TLR3: variants seen among roughly 807,000 people sequenced by gnomAD.
TLR3 encodes toll-like receptor 3.
Under a neutral mutation model 66.4 loss-of-function variants are expected in TLR3, and 43 were observed. The observed-to-expected ratio is 0.65, with a 90% confidence interval of 0.51 to 0.83. The LOEUF (loss-of-function observed/expected upper bound fraction) is 0.83, where lower values mean the gene tolerates loss of function less well. TLR3 is among the 40% of genes least tolerant of loss of function. The probability of loss-of-function intolerance (pLI) is 0.00; values close to 1 mark genes in which losing one functional copy is unlikely to be tolerated. For synonymous variants in TLR3, 397 were observed against 397.2 expected, an observed-to-expected ratio of 1.00 and a Z score of 0.01; for missense variants, 982 against 1,044.6, an observed-to-expected ratio of 0.94 and a Z score of 0.83.
chr4:186,078,171 C>T (rs750577480), intron 2 of TLR3, among the ~76,000 whole-genome samples: 4 of 152,118 alleles, frequency 2.6e-5, no homozygotes, highest in African/African-American at 9.7e-5. Context: ...TCGTTAACAG[C>T]GATTACATTA....
At chr4:186,082,270 AG>A in intron 3 of TLR3, 49 bp from the exon 4 acceptor site, 1 of 1,084,048 alleles carries the variant, frequency 9.2e-7, no homozygotes, top group African/African-American at 1.7e-5. Flanking sequence ...ACAGCATTAC[AG>A]AGTCTGTGTT....
intron 1 of TLR3, among the ~76,000 whole-genome samples, chr4:186,072,662 G>A (rs1004395779): frequency 3.3e-5 from 5 of 152,088 alleles, no homozygotes; most frequent in South Asian, 2.1e-4. Context: ...ACTCACTATC[G>A]GGAGAACAGC....
At chr4:186,079,213 CG>C (rs1561370895) in intron 3 of TLR3, among the ~76,000 whole-genome samples, 182 bp downstream of exon 3, 1 of 151,828 alleles carries the variant, frequency 6.6e-6, no homozygotes, top group Non-Finnish European at 1.5e-5. Flanking sequence ...CAGGAGAGGT[CG>C]GGAGACGGGA....
At chr4:186,073,532 A>G (rs2099301872) in intron 1 of TLR3, among the ~76,000 whole-genome samples, 1 of 152,062 alleles carries the variant, frequency 6.6e-6, no homozygotes, top group Admixed American at 6.5e-5. Context: ...AAAAAAAACA[A>G]AAAACAAGAT....
intron 3 of TLR3, 78 bp downstream of exon 3, chr4:186,079,109 G>A (rs1312911133): frequency 2.4e-6 from 3 of 1,254,944 alleles, no homozygotes; most frequent in African/African-American, 3.0e-5. Flanking sequence ...ACACAGGAAT[G>A]TAATGCTCTC....
chr4:186,069,396 A>G (rs1272123313), intron 1 of TLR3, 148 bp downstream of exon 1: 3 of 152,234 alleles, frequency 2.0e-5, no homozygotes, highest in Non-Finnish European at 4.4e-5. Context: ...TCAGGAAGGA[A>G]AGTGGAAGAA....
At chr4:186,084,231 T>TA (rs2099304015) in intron 4 of TLR3, 59 bp downstream of exon 4, 2 of 1,567,234 alleles carry the variant, frequency 1.3e-6, no homozygotes, top group Non-Finnish European at 1.7e-6. Context: ...ATTTCTTTTT[T>TA]TTTTTTTGAG....
intron 1 of TLR3, among the ~76,000 whole-genome samples, chr4:186,073,379 G>C (rs1240233385): frequency 6.6e-6 from 1 of 152,068 alleles, no homozygotes; most frequent in Non-Finnish European, 1.5e-5. Context: ...AATTAGCCAG[G>C]CATGGTGGCG....
chr4:186,077,585 G>A (rs374831923), intron 2 of TLR3, among the ~76,000 whole-genome samples: 16 of 151,878 alleles, frequency 1.1e-4, no homozygotes, highest in African/African-American at 3.6e-4. Flanking sequence ...AACTTTGCTC[G>A]AATTTTAGTT....
In TLR3 at chr4:186,076,952, A is replaced by C. The variant is rs745694858; in HGVS notation, c.333A>C (p.Leu111=). The C allele has an allele frequency of 3.1e-6, 5 of 1,614,108 alleles. No individual in the cohort carries two copies. Among genetic ancestry groups the C allele is most frequent in the Middle Eastern group, 3.3e-4 (2 of 6,084 alleles). Residue 111 remains leucine, a synonymous_variant, in exon 2 of 5, where the codon CTA becomes CTC. Transcript: ENST00000296795. ...TTTTGAACCTCCAGCACAATGAGCT[A>C]TCTCAACTTTCTGATAAAACCTTTG... ...LKVLNLQHNE[L]SQLSDKTFAF... is the part of the protein sequence containing the mutation.
At position 186,083,905 on chromosome 4, in the gene TLR3, G is replaced by A. The variant is rs756691747; in HGVS notation, c.2219G>A (p.Arg740Gln). The change falls in exon 4 of 5, where the codon CGA becomes CAA. Residue 740 changes from arginine (R) to glutamine (Q), a missense_variant. Coordinates refer to ENST00000296795, the MANE Select transcript of TLR3 (RefSeq NM_003265.3). This position sits in a 1 kb window ranked among gnomAD's most constrained non-coding sequence, Gnocchi z 4.0. ...TTTTATTGGAATGTTTCAGTACATC[G>A]AGTTCTTGGTTTCAAAGAAATAGAC... Reference protein sequence around the residue: ...ISFYWNVSVHRVLGFKEIDRQ... With the variant: ...ISFYWNVSVHQVLGFKEIDRQ... 11 of 1,614,068 alleles carry A rather than the reference G, an allele frequency of 6.8e-6. No homozygotes were observed. Among genetic ancestry groups the A allele is most frequent in the South Asian group, 5.5e-5 (5 of 91,076 alleles).
intron 3 of TLR3, among the ~76,000 whole-genome samples, chr4:186,079,263 G>A (rs1286763121): frequency 6.6e-6 from 1 of 152,144 alleles, no homozygotes; most frequent in Non-Finnish European, 1.5e-5. Flanking sequence ...CCCCTGTGCC[G>A]TGACCTTGCG....
chr4:186,072,808 C>T (rs745741014), intron 1 of TLR3, among the ~76,000 whole-genome samples: 1 of 152,152 alleles, frequency 6.6e-6, no homozygotes, highest in African/African-American at 2.4e-5. Context: ...CAAACCATAT[C>T]GGCTATGTAT....
At chr4:186,074,557 C>T (rs1018401248) in intron 1 of TLR3, among the ~76,000 whole-genome samples, 1 of 152,140 alleles carries the variant, frequency 6.6e-6, no homozygotes, top group Non-Finnish European at 1.5e-5. Context: ...CATGACTGTG[C>T]ACCACTGCAG....
chr4:186,078,961 G>GTCC lies in TLR3; in HGVS notation c.564_565insCCT (p.Ser188_Glu189insPro). On this transcript the variant is annotated inframe_insertion, in exon 3 of 5. Coordinates refer to ENST00000296795, the MANE Select transcript of TLR3 (RefSeq NM_003265.3). ...AACAATAAAATTCAAGCGCTAAAAA[G>GTCC]TGAAGAACTGGATATCTTTGCCAAT... is the stretch of plus-strand genomic sequence containing the variant. The GTCC allele has an allele frequency of 1.9e-6, 3 of 1,613,798 alleles. No homozygotes were observed. Among genetic ancestry groups the GTCC allele is most frequent in the Non-Finnish European group, 2.5e-6 (3 of 1,179,968 alleles).
At position 186,082,721 on chromosome 4, in the gene TLR3, G is replaced by A. The variant is rs754449294; in HGVS notation, c.1035G>A (p.Lys345=). Residue 345 remains lysine (K), a synonymous_variant, in exon 4 of 5, where the codon AAG becomes AAA. Coordinates refer to ENST00000296795, the MANE Select transcript of TLR3 (RefSeq NM_003265.3). ...KQSISLASLP[K]IDDFSFQWLK... is the part of the protein sequence containing the mutation. ...GTATTTCCCTTGCCTCACTCCCCAA[G>A]ATTGATGATTTTTCTTTTCAGTGGC... The A allele has an allele frequency of 1.2e-5, 20 of 1,614,072 alleles. No homozygotes were observed. In the East Asian group the frequency reaches 4.2e-4, roughly 34 times the overall value.
chr4:186,083,187 C>T lies in TLR3; in HGVS notation c.1501C>T (p.Pro501Ser), dbSNP rs1203831442. The T allele has an allele frequency of 1.9e-6, 3 of 1,614,086 alleles. No homozygotes were observed. The highest frequency in any genetic ancestry group is 2.5e-6 in the Non-Finnish European group (3 of 1,180,030). The change falls in exon 4 of 5, where the codon CCA becomes TCA. Residue 501 changes from proline (P) to serine (S), a missense_variant. Transcript: ENST00000296795. The surrounding 1 kb of genome is among the most constrained non-coding windows in gnomAD (Gnocchi z 4.0). ...TAAAAATGTGGATAGCTCTCCTTCA[C>T]CATTCCAGCCTCTTCGTAACTTGAC... ...ALKNVDSSPSPFQPLRNLTIL... is the reference protein window; with the variant it reads ...ALKNVDSSPSSFQPLRNLTIL...
chr4:186,073,856 TA>T (rs2099301951), intron 1 of TLR3, among the ~76,000 whole-genome samples: 2 of 152,058 alleles, frequency 1.3e-5, no homozygotes, highest in Admixed American at 6.6e-5. Flanking sequence ...CTCAGATACA[TA>T]AAAAATTCCT....
chr4:186,084,225 C>A, intron 4 of TLR3, 53 bp downstream of exon 4: 3 of 1,316,426 alleles, frequency 2.3e-6, no homozygotes, highest in Non-Finnish European at 3.1e-6. Context: ...AATTAAATTT[C>A]TTTTTTTTTT....
Sources: allele counts gnomAD v4.1 joint callset (sites outside exome capture counted in the v4.1 genomes callset), GRCh38; gene constraint gnomAD v4.1.1; non-coding constraint Gnocchi (gnomAD v3.1); transcripts MANE v1.5; gene names NCBI Gene and HGNC (gene_info 2026-07-23, HGNC 2026-07-21).